Variants in PRKAA2 observed in about 807,000 individuals in gnomAD.
The protein encoded by PRKAA2 is protein kinase AMP-activated catalytic subunit alpha 2, also known as 5'-AMP-activated protein kinase catalytic subunit alpha-2.
In PRKAA2, 40 loss-of-function variants were observed where a neutral mutation model predicts 56.3. The observed-to-expected ratio is 0.71, with a 90% CI of 0.55 to 0.92. The LOEUF (loss-of-function observed/expected upper bound fraction) is 0.92. Among genes scored for constraint, PRKAA2 ranks in the 40% least tolerant of loss-of-function variants. The probability of loss-of-function intolerance (pLI) is 0.00; values close to 1 mark genes in which losing one functional copy is unlikely to be tolerated. For synonymous variants in PRKAA2, 214 were observed against 234.2 expected (o/e 0.91, Z 0.79); for missense variants, 542 against 686.9 (o/e 0.79, Z 2.36).
At chr1:56,696,988 C>G (rs1486463074) in intron 6 of PRKAA2, among the ~76,000 whole-genome samples, 3 of 140,506 alleles carry the variant, frequency 2.1e-5, no homozygotes, top group Non-Finnish European at 3.1e-5. Flanking sequence ...ACTCTTTCCC[C>G]TTTTCATCAT....
rs1316494397 is a variant in PRKAA2, at chr1:56,714,202, G to A, written c.*6489G>A. ...TATATTTTAACCCTTTAAAAAGTTTGTCAAGGAAACAACTCAGAGCTAAGA... is the reference window on the plus strand; with the variant it reads ...TATATTTTAACCCTTTAAAAAGTTTATCAAGGAAACAACTCAGAGCTAAGA... On this transcript the variant is annotated 3_prime_UTR_variant, in exon 9 of 9. Coordinates refer to ENST00000371244, the MANE Select transcript of PRKAA2 (RefSeq NM_006252.4). 6.6e-6 allele frequency: 1 copy of A among 152,088 alleles called. No individual in the cohort carries two copies. Among genetic ancestry groups the A allele is most frequent in the African/African-American group, 2.4e-5 (1 of 41,418 alleles). 9.4% of individuals were successfully genotyped at this position (152,088 alleles called of 1,614,324 possible).
At chr1:56,651,927 C>T (rs759387288) in intron 1 of PRKAA2, among the ~76,000 whole-genome samples, 5 of 151,398 alleles carry the variant, frequency 3.3e-5, no homozygotes, top group African/African-American at 9.7e-5. Context: ...CTGCAAGCTC[C>T]GCCTCCTGGG....
At chr1:56,678,885 G>A (rs534087728) in intron 2 of PRKAA2, among the ~76,000 whole-genome samples, 2 of 152,076 alleles carry the variant, frequency 1.3e-5, no homozygotes, top group South Asian at 2.1e-4. Flanking sequence ...TAGTAGAGAC[G>A]GGGTTTCACC....
chr1:56,702,308 C>T (rs7546264), intron 6 of PRKAA2, among the ~76,000 whole-genome samples: 59,924 of 152,034 alleles, frequency 0.39, 12,474 homozygotes, highest in Middle Eastern at 0.52. Flanking sequence ...GTCTCGAACT[C>T]CCGACCTCAG....
At chr1:56,691,080 A>C (rs1159827520) in intron 2 of PRKAA2, among the ~76,000 whole-genome samples, 1 of 152,156 alleles carries the variant, frequency 6.6e-6, no homozygotes, top group Non-Finnish European at 1.5e-5. Context: ...TAAATATGTG[A>C]TACCTCATCT....
At chr1:56,689,785 G>C (rs1400717197) in intron 2 of PRKAA2, among the ~76,000 whole-genome samples, 5 of 152,028 alleles carry the variant, frequency 3.3e-5, no homozygotes, top group African/African-American at 9.7e-5. Context: ...ATTGTGTATA[G>C]GGGTGTAAGT....
At chr1:56,651,223 T>C (rs1285820751) in intron 1 of PRKAA2, among the ~76,000 whole-genome samples, 1 of 152,186 alleles carries the variant, frequency 6.6e-6, no homozygotes, top group Non-Finnish European at 1.5e-5. Flanking sequence ...TTAATGAAAA[T>C]TTGAGTTCCT....
intron 1 of PRKAA2, among the ~76,000 whole-genome samples, chr1:56,657,630 C>G (rs552468540): frequency 6.6e-6 from 1 of 151,858 alleles, no homozygotes; most frequent in Admixed American, 6.6e-5. Flanking sequence ...GAGCCGAGAT[C>G]GTGCCACTGC....
chr1:56,697,818 A>T (rs1302906104), intron 6 of PRKAA2, among the ~76,000 whole-genome samples: 1 of 128,298 alleles, frequency 7.8e-6, no homozygotes, highest in South Asian at 2.6e-4. Flanking sequence ...TTTTTTTATT[A>T]AAAAAAAAGT....
At chr1:56,658,254 A>G (rs2100386320) in intron 1 of PRKAA2, among the ~76,000 whole-genome samples, 1 of 152,336 alleles carries the variant, frequency 6.6e-6, no homozygotes, top group Non-Finnish European at 1.5e-5. Flanking sequence ...TATGGAATGT[A>G]AAATTATGTA....
At chr1:56,675,399 T>A (rs1644106052) in intron 2 of PRKAA2, among the ~76,000 whole-genome samples, 1 of 152,096 alleles carries the variant, frequency 6.6e-6, no homozygotes, top group Non-Finnish European at 1.5e-5. Flanking sequence ...CTTATTTAAT[T>A]TAATATTATC....
At chr1:56,662,156 G>A (rs1643998883) in intron 1 of PRKAA2, among the ~76,000 whole-genome samples, 1 of 152,008 alleles carries the variant, frequency 6.6e-6, no homozygotes, top group African/African-American at 2.4e-5. Flanking sequence ...CTTACATATA[G>A]TCATTTGTCG....
intron 2 of PRKAA2, among the ~76,000 whole-genome samples, chr1:56,689,897 GACACACAC>G (rs3034077): frequency 0.018 from 2,689 of 146,990 alleles, 37 homozygotes; most frequent in African/African-American, 0.027. Context: ...CAGACACACA[GACACACAC>G]ACACACACAC....
In PRKAA2 at chr1:56,712,719, C is replaced by A. The variant is rs1644376748; in HGVS notation, c.*5006C>A. The A allele has an allele frequency of 6.6e-6, 1 of 151,922 alleles. No individual in the cohort carries two copies. Among genetic ancestry groups the A allele is most frequent in the African/African-American group, 2.4e-5 (1 of 41,372 alleles). 9.4% of individuals were successfully genotyped at this position (151,922 alleles called of 1,614,324 possible). A position where few individuals can be genotyped will look rare whatever the true frequency, so the allele number is the denominator to read the frequency against. On this transcript the variant is annotated 3_prime_UTR_variant, in exon 9 of 9. Transcript: ENST00000371244. ...ATACCAAAATTATCCGGTGTGGTGA[C>A]AGGCTGCTTGTAATCCCAGCTACTC...
At chr1:56,700,328 T>G (rs563280397) in intron 6 of PRKAA2, among the ~76,000 whole-genome samples, 31 of 152,340 alleles carry the variant, frequency 2.0e-4, no homozygotes, top group Non-Finnish European at 4.0e-4. Flanking sequence ...TATTGGGGTA[T>G]ATCCTTAGTG....
At chr1:56,652,257 C>T (rs556170937) in intron 1 of PRKAA2, among the ~76,000 whole-genome samples, 13 of 152,044 alleles carry the variant, frequency 8.6e-5, no homozygotes, top group Middle Eastern at 3.4e-3. Context: ...GTAATACGCC[C>T]GCCTCAGCTT....
intron 2 of PRKAA2, among the ~76,000 whole-genome samples, chr1:56,683,496 A>G (rs1433150698): frequency 1.3e-5 from 2 of 152,154 alleles, no homozygotes; most frequent in Non-Finnish European, 2.9e-5. Context: ...CCAGAAAGGC[A>G]GGTTGTTGGT....
Position 56,707,925 on chromosome 1 carries a change from A to T in PRKAA2, c.*212A>T. Reference sequence around the variant, plus strand: ...TGTAATTCTATTGTGCCTATGATAAATTCACATAGGCAATATCTTTAATAG... The same window carrying T: ...TGTAATTCTATTGTGCCTATGATAATTTCACATAGGCAATATCTTTAATAG... On this transcript the variant is annotated 3_prime_UTR_variant, in exon 9 of 9. Coordinates refer to ENST00000371244, the MANE Select transcript of PRKAA2 (RefSeq NM_006252.4). 1.7e-6 allele frequency: 1 copy of T among 583,710 alleles called. No individual in the cohort carries two copies. Among genetic ancestry groups the T allele is most frequent in the South Asian group, 2.1e-5 (1 of 46,968 alleles). 36.2% of individuals were successfully genotyped at this position (583,710 alleles called of 1,614,324 possible). A position where few individuals can be genotyped will look rare whatever the true frequency, so the allele number is the denominator to read the frequency against.
At position 56,713,469 on chromosome 1, in the gene PRKAA2, A is replaced by G. The variant is rs1553151580; in HGVS notation, c.*5756A>G. ...TCTTGATTGTTTGGACAAGCAGGGT[A>G]GGTAAATTTCAATTACGTTTGAAGT... On this transcript the variant is annotated 3_prime_UTR_variant, in exon 9 of 9. Coordinates refer to ENST00000371244, the MANE Select transcript of PRKAA2 (RefSeq NM_006252.4). 2 of 152,136 alleles carry G rather than the reference A, an allele frequency of 1.3e-5. No homozygotes were observed. The highest frequency in any genetic ancestry group is 4.1e-4 in the South Asian group (2 of 4,826). 9.4% of individuals were successfully genotyped at this position (152,136 alleles called of 1,614,324 possible). A position where few individuals can be genotyped will look rare whatever the true frequency, so the allele number is the denominator to read the frequency against.
Sources: allele counts gnomAD v4.1 joint callset (sites outside exome capture counted in the v4.1 genomes callset), GRCh38; gene constraint gnomAD v4.1.1; transcripts MANE v1.5; gene names NCBI Gene and HGNC (gene_info 2026-07-23, HGNC 2026-07-21).